UNC119: variants seen among roughly 807,000 people sequenced by gnomAD.
UNC119 encodes the protein unc-119 lipid binding chaperone.
Under a neutral mutation model 22.6 loss-of-function variants are expected in UNC119, and 15 were observed. The ratio of observed to expected loss-of-function variants is 0.66; its 90% CI spans 0.44 to 1.02. The LOEUF is 1.02. Among genes scored for constraint, UNC119 ranks in the 50% least tolerant of loss-of-function variants. UNC119 has a pLI of 0.00. For synonymous variants in UNC119, 138 were observed against 139.4 expected (o/e 0.99, Z 0.07); for missense variants, 322 against 336.0 (o/e 0.96, Z 0.33).
rs1332466189 is a variant in UNC119, at chr17:28,552,342, G to A, written c.216C>T (p.Thr72=). The stretch of plus-strand genomic sequence containing the variant: ...CGCTCCCTCGCGGGTGCTCACCACC[G>A]GTGATCCGCTGCAGCCCCAGCACGT... The part of the protein sequence containing the change: ...PEDVLGLQRI[T]GDYLCSPEEN... The change falls in exon 1 of 5, where the codon ACC becomes ACT. Residue 72 remains threonine, a synonymous_variant. Transcript: ENST00000335765. 7.8e-6 allele frequency: 12 copies of A among 1,535,880 alleles called. No individual in the cohort carries two copies. The highest frequency in any genetic ancestry group is 1.2e-5 in the South Asian group (1 of 84,240).
chr17:28,552,120 A>G (rs1439553093), intron 1 of UNC119: 1 of 709,946 alleles, frequency 1.4e-6, no homozygotes, highest in Non-Finnish European at 2.6e-6. Context: ...AAATCTCGAA[A>G]GGGAGAAGAA....
intron 1 of UNC119, chr17:28,550,191 A>C (rs967508300): frequency 2.6e-5 from 4 of 152,242 alleles, no homozygotes; most frequent in African/African-American, 9.7e-5. Context: ...ATCTCACCCC[A>C]TTCACCCTAT....
At chr17:28,547,889 A>C (rs756262246) in intron 3 of UNC119, 40 bp from the exon 4 acceptor site, 6 of 1,613,066 alleles carry the variant, frequency 3.7e-6, no homozygotes, top group Non-Finnish European at 1.7e-6. Flanking sequence ...CTGTCCTTGA[A>C]GTCAACTAGC....
rs879486042 is a variant in UNC119 at position 28,548,173 on chromosome 17, G to T, written c.335-72C>A. 12 of 1,463,990 alleles carry T rather than the reference G, an allele frequency of 8.2e-6. No individual in the cohort carries two copies. In the Admixed American group the frequency reaches 1.8e-4, roughly 22 times the overall value. 90.7% of individuals were successfully genotyped at this position (1,463,990 alleles called of 1,614,324 possible). A position where few individuals can be genotyped will look rare whatever the true frequency, so the allele number is the denominator to read the frequency against. On this transcript the variant is annotated intron_variant, in intron 2 of 4. Transcript: ENST00000335765. Reference sequence around the variant, plus strand: ...TTGTCCACCCAGGGTTCTACCCTTGGGTCCCCATCTATCTGATTTTTTTTA... The same window carrying T: ...TTGTCCACCCAGGGTTCTACCCTTGTGTCCCCATCTATCTGATTTTTTTTA...
At position 28,547,705 on chromosome 17, in the gene UNC119, G is replaced by A. The variant is rs776884782; in HGVS notation, c.582C>T (p.Tyr194=). 1.8e-5 allele frequency: 29 copies of A among 1,614,094 alleles called. No individual in the cohort carries two copies. Among genetic ancestry groups the A allele is most frequent in the African/African-American group, 4.0e-5 (3 of 74,926 alleles). Residue 194 remains tyrosine (Y), a synonymous_variant, in exon 4 of 5, where the codon TAC becomes TAT. Transcript: ENST00000335765. ...GCTCCTCGGAGAGAGGGGGGAAGTC[G>A]TAAATGTGCTCGCAGGTGTTCTTGC... ...PSSKNTCEHI[Y]DFPPLSEELI...
chr17:28,547,641 C>T (rs760052869), intron 4 of UNC119, 36 bp downstream of exon 4: 2 of 1,614,130 alleles, frequency 1.2e-6, no homozygotes, highest in Non-Finnish European at 1.7e-6. Context: ...CTAGACGCCC[C>T]CACTTCCCCA....
Position 28,547,301 on chromosome 17 carries a change from G to T in UNC119, c.719C>A (p.Pro240His). The T allele has an allele frequency of 6.2e-7, 1 of 1,614,062 alleles. No homozygotes were observed. Among genetic ancestry groups the T allele is most frequent in the Non-Finnish European group, 8.5e-7 (1 of 1,179,972 alleles). Residue 240 changes from proline (P) to histidine (H), a missense_variant, in exon 5 of 5, where the codon CCC (proline) becomes CAC (histidine). Physicochemically the swap from Pro to His is moderately conservative, Grantham distance 77 (BLOSUM62 -2). Coordinates refer to ENST00000335765, the MANE Select transcript of UNC119 (RefSeq NM_005148.4). ...GGGGTCAGGGCAGCCGTGGGGTCAG[G>T]GTGTCCCGCTGTAGGAATAGTCTGC... ...NKADYSYSGTP is the reference protein window; with the variant it reads ...NKADYSYSGTH
intron 1 of UNC119, 163 bp downstream of exon 1, chr17:28,552,175 C>A: frequency 1.4e-6 from 1 of 704,348 alleles, no homozygotes; most frequent in South Asian, 1.6e-5. Context: ...ACAGAGATCT[C>A]AGACCTGGCG....
At chr17:28,551,902 T>G in intron 1 of UNC119, 4 of 317,792 alleles carry the variant, frequency 1.3e-5, no homozygotes, top group Non-Finnish European at 2.6e-5. Flanking sequence ...ACATGAAGAG[T>G]CTGAATGCCT....
At chr17:28,549,049 G>C in intron 1 of UNC119, 1 of 217,700 alleles carries the variant, frequency 4.6e-6, no homozygotes, top group Non-Finnish European at 9.5e-6. Flanking sequence ...GCCAAGGCTG[G>C]CTAGATGACT....
Position 28,552,389 on chromosome 17 carries a change from T to A in UNC119, c.169A>T (p.Lys57Ter), listed in dbSNP as rs267607166. The A allele has an allele frequency of 2.2e-4, 349 of 1,551,476 alleles. 1 individual carries two copies. The highest frequency in any genetic ancestry group is 2.7e-4 in the Non-Finnish European group (308 of 1,156,208). Reference protein sequence around the residue: ...PGPRPGPLQRKQPIGPEDVLG... With the variant: ...PGPRPGPLQR ...ACGTCCTCCGGCCCGATCGGCTGCTTCCTCTGCAGCGGCCCCGGCCTGGGC... is the reference window on the plus strand; with the variant it reads ...ACGTCCTCCGGCCCGATCGGCTGCTACCTCTGCAGCGGCCCCGGCCTGGGC... Residue 57 changes from lysine (K) to a stop codon, truncating the protein, a stop_gained, in exon 1 of 5, where the codon AAG becomes TAG. Coordinates refer to ENST00000335765, the MANE Select transcript of UNC119 (RefSeq NM_005148.4). LOFTEE classifies it high-confidence loss of function.
Position 28,552,368 on chromosome 17 carries a change from C to T in UNC119, c.190G>A (p.Asp64Asn), listed in dbSNP as rs1239007277. 1 of 1,543,410 alleles carries T rather than the reference C, an allele frequency of 6.5e-7. No individual in the cohort carries two copies. The highest frequency in any genetic ancestry group is 8.7e-7 in the Non-Finnish European group (1 of 1,151,442). The stretch of plus-strand genomic sequence containing the variant: ...GTGATCCGCTGCAGCCCCAGCACGT[C>T]CTCCGGCCCGATCGGCTGCTTCCTC... ...LQRKQPIGPEDVLGLQRITGD... is the reference protein window; with the variant it reads ...LQRKQPIGPENVLGLQRITGD... The change falls in exon 1 of 5, where the codon GAC becomes AAC. Residue 64 changes from aspartate (D) to asparagine (N), a missense_variant. Physicochemically the swap from Asp to Asn is conservative, Grantham distance 23. Coordinates refer to ENST00000335765, the MANE Select transcript of UNC119 (RefSeq NM_005148.4).
At chr17:28,551,800 C>T in intron 1 of UNC119, 1 of 230,890 alleles carries the variant, frequency 4.3e-6, no homozygotes, top group South Asian at 4.5e-5. Flanking sequence ...ACAGCCAACA[C>T]ACTAAAGCTG....
intron 1 of UNC119, 120 bp downstream of exon 1, chr17:28,552,218 G>C (rs1417953379): frequency 4.4e-6 from 4 of 903,798 alleles, no homozygotes; most frequent in Admixed American, 4.9e-5. Context: ...CAGGAGAGGG[G>C]ACTCGGTGGG....
At chr17:28,551,820 T>G in intron 1 of UNC119, 1 of 234,524 alleles carries the variant, frequency 4.3e-6, no homozygotes, top group Non-Finnish European at 8.8e-6. Flanking sequence ...GCCTGCTCAG[T>G]TTCTTTCCCG....
Position 28,547,319 on chromosome 17 carries a change from T to G in UNC119, c.701A>C (p.Tyr234Ser), listed in dbSNP as rs898900330. The G allele has an allele frequency of 6.2e-7, 1 of 1,614,158 alleles. No individual in the cohort carries two copies. Among genetic ancestry groups the G allele is most frequent in the East Asian group, 2.2e-5 (1 of 44,880 alleles). Residue 234 changes from tyrosine (Y) to serine (S), a missense_variant, in exon 5 of 5, where the codon TAT becomes TCT. Physicochemically the swap from Tyr to Ser is moderately radical, Grantham distance 144. Transcript: ENST00000335765. ...DRLVMHNKADYSYSGTP is the reference protein window; with the variant it reads ...DRLVMHNKADSSYSGTP ...GGGTCAGGGTGTCCCGCTGTAGGAA[T>G]AGTCTGCTTTATTGTGCATCACCAG... is the stretch of plus-strand genomic sequence containing the variant.
rs1486053248 is a variant in UNC119, at chr17:28,552,568, G to C, written c.-11C>G. On this transcript the variant is annotated 5_prime_UTR_variant, in exon 1 of 5. Transcript: ENST00000335765. ...CTTCTTCACCTTCATGGCCTTGCGGGGCCGAGGCTCGCCTGCTGCTGCCGC... is the reference window on the plus strand; with the variant it reads ...CTTCTTCACCTTCATGGCCTTGCGGCGCCGAGGCTCGCCTGCTGCTGCCGC... The C allele has an allele frequency of 6.6e-7, 1 of 1,505,364 alleles. No homozygotes were observed. Among genetic ancestry groups the C allele is most frequent in the Non-Finnish European group, 8.8e-7 (1 of 1,135,942 alleles). 93.3% of individuals were successfully genotyped at this position (1,505,364 alleles called of 1,614,324 possible). A position where few individuals can be genotyped will look rare whatever the true frequency, so the allele number is the denominator to read the frequency against.
chr17:28,551,624 CACAG>C (rs1394327348), intron 1 of UNC119: 1 of 153,322 alleles, frequency 6.5e-6, no homozygotes, highest in Non-Finnish European at 1.5e-5. Context: ...CCCAAGGTCA[CACAG>C]ACAATTATAT....
rs998747835 is a variant in UNC119, at chr17:28,552,619, G to C, written c.-62C>G. 2.8e-6 allele frequency: 4 copies of C among 1,417,104 alleles called. No homozygotes were observed. Among genetic ancestry groups the C allele is most frequent in the Non-Finnish European group, 2.8e-6 (3 of 1,078,836 alleles). 87.8% of individuals were successfully genotyped at this position (1,417,104 alleles called of 1,614,324 possible). A position where few individuals can be genotyped will look rare whatever the true frequency, so the allele number is the denominator to read the frequency against. On this transcript the variant is annotated 5_prime_UTR_variant, in exon 1 of 5. Transcript: ENST00000335765. ...CGCTGCCTGCGCCGGCTGGAGCCGGGGGAAGTGGGAGCATCCGCAGCCCCG... is the reference window on the plus strand; with the variant it reads ...CGCTGCCTGCGCCGGCTGGAGCCGGCGGAAGTGGGAGCATCCGCAGCCCCG...
Sources: allele counts gnomAD v4.1 joint callset, GRCh38; gene constraint gnomAD v4.1.1; transcripts MANE v1.5; gene names NCBI Gene and HGNC (gene_info 2026-07-23, HGNC 2026-07-21).